HAVCR2: variants seen among roughly 807,000 people sequenced by gnomAD.
HAVCR2 encodes the protein T cell immunoglobulin mucin 3.
HAVCR2 carries 13 observed loss-of-function variants against 24.7 expected under a neutral mutation model. The ratio of observed to expected loss-of-function variants is 0.53; its 90% confidence interval spans 0.34 to 0.84. The LOEUF is 0.84. Ranked by LOEUF, HAVCR2 falls within the 40% of genes least tolerant of loss-of-function variation. The probability of loss-of-function intolerance (pLI) is 0.01; values close to 1 mark genes in which losing one functional copy is unlikely to be tolerated. For missense variants in HAVCR2, 343 were observed against 371.2 expected, an observed-to-expected ratio of 0.92 and a Z score of 0.62; for synonymous variants, 154 against 143.4, an observed-to-expected ratio of 1.07 and a Z score of -0.53.
chr5:157,108,455 C>A (rs753279281), intron 1 of HAVCR2, among the ~76,000 whole-genome samples: 2 of 151,048 alleles, frequency 1.3e-5, no homozygotes, highest in African/African-American at 4.9e-5. Flanking sequence ...CCACTGCACT[C>A]CAGCCTGGGC....
chr5:157,087,018 A>T lies in HAVCR2; in HGVS notation c.*84T>A. On this transcript the variant is annotated 3_prime_UTR_variant, in exon 7 of 7. Transcript: ENST00000307851. Reference sequence around the variant, plus strand: ...AAAACTCTGCTCCATAGCAGTGGACAGAACCTCCAAAACCAGTCAGGTGAC... The same window carrying T: ...AAAACTCTGCTCCATAGCAGTGGACTGAACCTCCAAAACCAGTCAGGTGAC... The T allele has an allele frequency of 8.1e-7, 1 of 1,238,038 alleles. No individual in the cohort carries two copies. Among genetic ancestry groups the T allele is most frequent in the Non-Finnish European group, 1.2e-6 (1 of 861,924 alleles). 76.7% of individuals were successfully genotyped at this position (1,238,038 alleles called of 1,614,324 possible).
intron 4 of HAVCR2, among the ~76,000 whole-genome samples, chr5:157,097,982 A>C (rs1757116750): frequency 6.6e-6 from 1 of 152,132 alleles, no homozygotes; most frequent in Non-Finnish European, 1.5e-5. Context: ...AGTTAAATAC[A>C]TAAAACTGGC....
intron 4 of HAVCR2, among the ~76,000 whole-genome samples, chr5:157,096,232 A>AT (rs1418750464): frequency 1.3e-5 from 2 of 150,790 alleles, no homozygotes; most frequent in Non-Finnish European, 3.0e-5. Context: ...TCCATCTCAA[A>AT]AAAAAAAAAA....
chr5:157,087,895 T>C (rs1282979084), intron 6 of HAVCR2, among the ~76,000 whole-genome samples: 3 of 139,360 alleles, frequency 2.2e-5, no homozygotes, highest in Non-Finnish European at 3.1e-5. Context: ...AGAGCCAGAC[T>C]CCGTCTCAAA....
intron 6 of HAVCR2, 34 bp from the exon 7 acceptor site, chr5:157,087,328 A>C (rs1213118943): frequency 6.4e-7 from 1 of 1,567,258 alleles, no homozygotes; most frequent in Non-Finnish European, 8.7e-7. Context: ...TGAGTTAAGC[A>C]TTTCCCAGGT....
intron 4 of HAVCR2, 145 bp from the exon 5 acceptor site, chr5:157,095,604 T>C (rs1757085125): frequency 1.2e-6 from 1 of 849,912 alleles, no homozygotes; most frequent in Admixed American, 2.6e-5. Flanking sequence ...TGTCACCTTG[T>C]AGCCAACACT....
intron 3 of HAVCR2, 76 bp downstream of exon 3, chr5:157,104,590 C>CT (rs1299855464): frequency 1.3e-5 from 14 of 1,046,012 alleles, no homozygotes; most frequent in South Asian, 2.9e-5. Context: ...GTTTTCTCAT[C>CT]TTTTTTTCCC....
intron 1 of HAVCR2, chr5:157,107,234 T>A: frequency 2.6e-6 from 1 of 390,480 alleles, no homozygotes; most frequent in Non-Finnish European, 4.6e-6. Flanking sequence ...TTCTAACAAG[T>A]TCTCAAGTGT....
At chr5:157,092,841 C>T (rs994666936) in intron 5 of HAVCR2, among the ~76,000 whole-genome samples, 1 of 116,504 alleles carries the variant, frequency 8.6e-6, no homozygotes, top group African/African-American at 3.4e-5. Context: ...AGATTGAGAC[C>T]AATTTTCTGG....
Position 157,098,839 on chromosome 5 carries a change from C to G in HAVCR2, c.522+19G>C. ...CCTCCAAGTTGAGTACAACATAGCT[C>G]ACAAAAAAAGTTACTTACTGTTAGA... On this transcript the variant is annotated intron_variant, in intron 4 of 6. Coordinates refer to ENST00000307851, the MANE Select transcript of HAVCR2 (RefSeq NM_032782.5). 6.2e-7 allele frequency: 1 copy of G among 1,610,072 alleles called. No homozygotes were observed. Among genetic ancestry groups the G allele is most frequent in the Non-Finnish European group, 8.5e-7 (1 of 1,177,386 alleles).
intron 3 of HAVCR2, among the ~76,000 whole-genome samples, chr5:157,100,745 GA>G (rs561330286): frequency 7.7e-4 from 117 of 151,788 alleles, no homozygotes; most frequent in Admixed American, 2.1e-3. Context: ...AATTATTGAA[GA>G]AAAAAAGATT....
intron 5 of HAVCR2, among the ~76,000 whole-genome samples, chr5:157,091,729 G>A (rs560045889): frequency 6.6e-6 from 1 of 152,162 alleles, no homozygotes; most frequent in African/African-American, 2.4e-5. Flanking sequence ...TCAGAAGAAA[G>A]GGATAAAAAG....
At chr5:157,091,862 C>G (rs370538313) in intron 5 of HAVCR2, among the ~76,000 whole-genome samples, 1 of 152,144 alleles carries the variant, frequency 6.6e-6, no homozygotes, top group African/African-American at 2.4e-5. Flanking sequence ...AGAGAGTACA[C>G]TAGAAAGATG....
At chr5:157,096,750 C>G (rs1472068101) in intron 4 of HAVCR2, among the ~76,000 whole-genome samples, 2 of 151,920 alleles carry the variant, frequency 1.3e-5, no homozygotes, top group Non-Finnish European at 2.9e-5. Flanking sequence ...GTACTCCAGC[C>G]TGGGCGACAA....
chr5:157,104,264 AGAAG>A (rs1482919197), intron 3 of HAVCR2, among the ~76,000 whole-genome samples: 2 of 152,186 alleles, frequency 1.3e-5, no homozygotes, highest in African/African-American at 4.8e-5. Context: ...TATTCTAGCT[AGAAG>A]GCATCCTAGA....
At chr5:157,093,499 C>T (rs1206159255) in intron 5 of HAVCR2, among the ~76,000 whole-genome samples, 1 of 152,080 alleles carries the variant, frequency 6.6e-6, no homozygotes, top group Non-Finnish European at 1.5e-5. Context: ...TTAGGAACAC[C>T]CTTTAGTCTT....
intron 3 of HAVCR2, among the ~76,000 whole-genome samples, chr5:157,101,455 T>A (rs1358358418): frequency 6.6e-6 from 1 of 152,218 alleles, no homozygotes; most frequent in African/African-American, 2.4e-5. Context: ...GTAGTTACCA[T>A]CTATTTGGTA....
chr5:157,104,224 T>C lies in HAVCR2; in HGVS notation c.478+442A>G, dbSNP rs1757212812. On this transcript the variant is annotated intron_variant, in intron 3 of 6. Transcript: ENST00000307851. The stretch of plus-strand genomic sequence containing the variant: ...ATGAAGAATTTAACTATTCTTTCTG[T>C]GGCTGGAATCCAGGGAAGGTGATGG... Among the ~76,000 whole-genome samples the C allele has an allele frequency of 2.0e-5, 3 of 152,290 alleles. No homozygotes were observed. The South Asian group carries it at 6.2e-4, about 32-fold the overall frequency.
At chr5:157,093,793 A>T (rs188205701) in intron 5 of HAVCR2, among the ~76,000 whole-genome samples, 237 of 152,160 alleles carry the variant, frequency 1.6e-3, no homozygotes, top group Non-Finnish European at 2.3e-3. Flanking sequence ...AAAAATATAA[A>T]AATTAGCCAG....
Sources: gnomAD v4.1 joint callset for allele counts (sites outside exome capture counted in the v4.1 genomes callset) on GRCh38, gnomAD v4.1.1 for gene constraint, MANE v1.5 for transcripts, NCBI Gene and HGNC (gene_info 2026-07-23, HGNC 2026-07-21) for gene names.